The following PRDM5 variants were observed in gnomAD, a reference collection of about 807,000 sequenced individuals.
The protein encoded by PRDM5 is PR/SET domain 5.
Under a neutral mutation model 81.2 loss-of-function variants are expected in PRDM5, and 56 were observed. That is an observed-to-expected ratio of 0.69 (90% CI 0.56 to 0.86). PRDM5 has a LOEUF of 0.86. Among genes scored for constraint, PRDM5 ranks in the 40% least tolerant of loss-of-function variants. The pLI, the probability that PRDM5 is intolerant of heterozygous loss-of-function variation, is 0.00. For missense variants in PRDM5, 697 were observed against 770.1 expected (o/e 0.91, Z 1.12); for synonymous variants, 267 against 256.4 (o/e 1.04, Z -0.39).
intron 3 of PRDM5, among the ~76,000 whole-genome samples, chr4:120,841,660 T>C (rs554918766): frequency 2.0e-5 from 3 of 152,340 alleles, no homozygotes; most frequent in African/African-American, 7.2e-5. Context: ...ACAAGTAGTA[T>C]ATGTGCTTAT....
At chr4:120,735,063 A>G (rs1740917416) in intron 14 of PRDM5, among the ~76,000 whole-genome samples, 1 of 152,216 alleles carries the variant, frequency 6.6e-6, no homozygotes, top group Admixed American at 6.5e-5. Context: ...GAAACATAAC[A>G]CATTGGTCAA....
At chr4:120,721,180 A>T (rs1165634338) in intron 14 of PRDM5, among the ~76,000 whole-genome samples, 2 of 152,208 alleles carry the variant, frequency 1.3e-5, no homozygotes, top group Admixed American at 1.3e-4. Context: ...CTGGGGCTGC[A>T]GGGTGACTCA....
intron 2 of PRDM5, among the ~76,000 whole-genome samples, chr4:120,905,566 C>A (rs954705917): frequency 6.6e-6 from 1 of 152,130 alleles, no homozygotes; most frequent in Non-Finnish European, 1.5e-5. Flanking sequence ...ACTAAGGTAT[C>A]CTGGAGAAGC....
intron 12 of PRDM5, among the ~76,000 whole-genome samples, chr4:120,777,984 G>A (rs935298512): frequency 1.3e-5 from 2 of 152,044 alleles, no homozygotes; most frequent in African/African-American, 2.4e-5. Flanking sequence ...ATTTTAAACT[G>A]GCCCTACAGT....
chr4:120,897,886 T>C (rs1764821613), intron 2 of PRDM5, among the ~76,000 whole-genome samples: 1 of 152,212 alleles, frequency 6.6e-6, no homozygotes, highest in Non-Finnish European at 1.5e-5. Context: ...TCATGGTTAT[T>C]ATAAAGTCCA....
At chr4:120,893,279 C>G (rs116201075) in intron 2 of PRDM5, among the ~76,000 whole-genome samples, 1 of 152,202 alleles carries the variant, frequency 6.6e-6, no homozygotes, top group South Asian at 2.1e-4. Context: ...CTGCACTGAA[C>G]CTAGACAGAC....
chr4:120,709,392 T>C (rs2149026387), intron 15 of PRDM5, among the ~76,000 whole-genome samples: 1 of 152,312 alleles, frequency 6.6e-6, no homozygotes, highest in Admixed American at 6.5e-5. Flanking sequence ...AGAAGTGTAC[T>C]GTTAATAAAG....
intron 15 of PRDM5, among the ~76,000 whole-genome samples, chr4:120,699,175 T>TAA (rs1734968275): frequency 2.7e-5 from 2 of 74,288 alleles, no homozygotes; most frequent in African/African-American, 1.1e-4. Context: ...TATATATATA[T>TAA]ATATATATAT....
At chr4:120,851,151 G>A (rs903619637) in intron 3 of PRDM5, among the ~76,000 whole-genome samples, 1 of 152,004 alleles carries the variant, frequency 6.6e-6, no homozygotes, top group Non-Finnish European at 1.5e-5. Flanking sequence ...ATAGGCAATA[G>A]GAAGACATTT....
intron 3 of PRDM5, chr4:120,837,766 G>A (rs912391314): frequency 6.6e-6 from 1 of 152,200 alleles, no homozygotes; most frequent in African/African-American, 2.4e-5. Flanking sequence ...TTGGAGAAGT[G>A]TAGGGTTAAC....
chr4:120,813,815 C>T (rs1171008414), intron 7 of PRDM5, among the ~76,000 whole-genome samples: 1 of 152,170 alleles, frequency 6.6e-6, no homozygotes, highest in Admixed American at 6.5e-5. Flanking sequence ...CCTGTCCTAG[C>T]CCTCATAGCA....
intron 2 of PRDM5, among the ~76,000 whole-genome samples, chr4:120,886,760 G>A (rs1763478170): frequency 6.6e-6 from 1 of 152,096 alleles, no homozygotes; most frequent in Admixed American, 6.5e-5. Context: ...GACCTGGGGA[G>A]TAAAGATAAT....
intron 1 of PRDM5, among the ~76,000 whole-genome samples, chr4:120,915,969 CA>C (rs1367902804): frequency 6.6e-6 from 1 of 152,106 alleles, no homozygotes; most frequent in Non-Finnish European, 1.5e-5. Flanking sequence ...GGGAGAAGAA[CA>C]AGAGCAGGGC....
chr4:120,840,104 G>A (rs564367613), intron 3 of PRDM5, among the ~76,000 whole-genome samples: 8 of 152,344 alleles, frequency 5.3e-5, no homozygotes, highest in South Asian at 4.1e-4. Context: ...AGCTGAAGCC[G>A]CATCTGGGAG....
chr4:120,715,976 C>T (rs1231902157), intron 14 of PRDM5, among the ~76,000 whole-genome samples: 1 of 152,162 alleles, frequency 6.6e-6, no homozygotes, highest in African/African-American at 2.4e-5. Flanking sequence ...GTATCCTAGA[C>T]ATTGCTCATA....
intron 2 of PRDM5, among the ~76,000 whole-genome samples, chr4:120,884,437 T>A (rs115208255): frequency 0.41 from 62,420 of 151,684 alleles, 14,473 homozygotes; most frequent in African/African-American, 0.64. Flanking sequence ...AATGTTCTTT[T>A]ATAGTTCCTA....
intron 9 of PRDM5, 128 bp downstream of exon 9, chr4:120,799,533 G>T: frequency 7.2e-7 from 1 of 1,389,822 alleles, no homozygotes; most frequent in Non-Finnish European, 9.6e-7. Flanking sequence ...AGAATCACAT[G>T]ACTACTAAAG....
At chr4:120,776,702 G>C (rs1748202626) in intron 13 of PRDM5, among the ~76,000 whole-genome samples, 1 of 152,112 alleles carries the variant, frequency 6.6e-6, no homozygotes, top group African/African-American at 2.4e-5. Context: ...GAAGTGCTAA[G>C]AAAAGAAGGG....
At chr4:120,736,950 C>T (rs1254362159) in intron 14 of PRDM5, among the ~76,000 whole-genome samples, 3 of 152,246 alleles carry the variant, frequency 2.0e-5, no homozygotes, top group South Asian at 2.1e-4. Flanking sequence ...TTAATCTTAA[C>T]CCCTAATAAC....
Sources: allele counts gnomAD v4.1 joint callset (sites outside exome capture counted in the v4.1 genomes callset), GRCh38; gene constraint gnomAD v4.1.1; transcripts MANE v1.5; gene names NCBI Gene and HGNC (gene_info 2026-07-23, HGNC 2026-07-21).